CD48: variants seen among roughly 807,000 people sequenced by gnomAD.
CD48 encodes CD48 antigen.
A neutral mutation model predicts 22.0 loss-of-function variants in CD48; 20 were observed. The observed-to-expected ratio is 0.91, with a 90% CI of 0.64 to 1.32. The LOEUF is 1.32. CD48 is among the 40% of genes most tolerant of loss of function. The pLI is 0.00. For synonymous variants in CD48, 110 were observed against 110.1 expected, an observed-to-expected ratio of 1.00 and a Z score of 0.01; for missense variants, 307 against 286.5, an observed-to-expected ratio of 1.07 and a Z score of -0.52.
At chr1:160,703,935 G>A (rs1162180888) in intron 1 of CD48, among the ~76,000 whole-genome samples, 1 of 152,130 alleles carries the variant, frequency 6.6e-6, no homozygotes, top group East Asian at 1.9e-4. Flanking sequence ...AGGGGATTGG[G>A]TGTTGAGAGA....
intron 1 of CD48, chr1:160,691,760 GC>G: frequency 2.8e-6 from 1 of 363,422 alleles, no homozygotes; most frequent in Non-Finnish European, 4.9e-6. Flanking sequence ...TTCATCTGGT[GC>G]CCAACGTGGA....
chr1:160,702,156 G>A (rs1303799493), intron 1 of CD48, among the ~76,000 whole-genome samples: 2 of 152,128 alleles, frequency 1.3e-5, no homozygotes, highest in Admixed American at 6.6e-5. Context: ...TTTAGCAGAG[G>A]TGGATGCTCT....
rs149082586 is a variant in CD48 at position 160,680,707 on chromosome 1, C to T, written c.652+495G>A. 119 of 1,020,006 alleles carry T rather than the reference C, an allele frequency of 1.2e-4. No individual in the cohort carries two copies. In the South Asian group the frequency reaches 1.6e-3, roughly 13 times the overall value. The allele number at this position is 1,020,006 out of a possible 1,614,324, so 63.2% of individuals were successfully genotyped here. On this transcript the variant is annotated intron_variant, in intron 3 of 3. Coordinates refer to ENST00000368046, the MANE Select transcript of CD48 (RefSeq NM_001778.4). ...GCTTCGCCTGAGGCTCAGGCTCTCA[C>T]GCCTCCTCGACGGCCTCTCTCAGGC... is the stretch of plus-strand genomic sequence containing the variant.
chr1:160,684,406 T>C (rs1318075916), intron 2 of CD48: 2 of 214,762 alleles, frequency 9.3e-6, no homozygotes, highest in Non-Finnish European at 1.9e-5. Flanking sequence ...GCCTGAGTCC[T>C]TATTCCATAT....
chr1:160,700,995 T>C (rs1662611848), intron 1 of CD48, among the ~76,000 whole-genome samples: 1 of 151,852 alleles, frequency 6.6e-6, no homozygotes, highest in Non-Finnish European at 1.5e-5. Context: ...AATATAGGCC[T>C]CGGGAAATTG....
chr1:160,690,061 A>G (rs183269154), intron 1 of CD48, among the ~76,000 whole-genome samples: 4 of 152,280 alleles, frequency 2.6e-5, no homozygotes, highest in Non-Finnish European at 4.4e-5. Flanking sequence ...TGTTTGGACA[A>G]TTGGGTTTTT....
intron 1 of CD48, among the ~76,000 whole-genome samples, chr1:160,693,432 T>C (rs187940857): frequency 6.6e-6 from 1 of 152,222 alleles, no homozygotes; most frequent in African/African-American, 2.4e-5. Context: ...CGTGATGGAA[T>C]TGGAGGAGCT....
chr1:160,687,990 A>G (rs1186600332), intron 1 of CD48, among the ~76,000 whole-genome samples: 5 of 152,376 alleles, frequency 3.3e-5, no homozygotes. Flanking sequence ...CATTATAGGA[A>G]TACGGGGTGA....
intron 1 of CD48, among the ~76,000 whole-genome samples, chr1:160,690,513 C>T (rs1343399410): frequency 2.0e-5 from 3 of 152,112 alleles, no homozygotes; most frequent in African/African-American, 4.8e-5. Context: ...ATCTTTTAAG[C>T]CAGTGGCATT....
intron 1 of CD48, among the ~76,000 whole-genome samples, chr1:160,705,481 G>T (rs974343889): frequency 6.6e-6 from 1 of 152,144 alleles, no homozygotes; most frequent in Non-Finnish European, 1.5e-5. Context: ...CAGAGGCTGT[G>T]GTCTAATTAA....
intron 2 of CD48, among the ~76,000 whole-genome samples, chr1:160,682,063 G>A (rs1267032923): frequency 6.6e-6 from 1 of 152,140 alleles, no homozygotes; most frequent in Admixed American, 6.5e-5. Flanking sequence ...TGCTAACTTT[G>A]GTATCTCCAT....
At chr1:160,707,750 C>G (rs547901375) in intron 1 of CD48, among the ~76,000 whole-genome samples, 54 of 152,270 alleles carry the variant, frequency 3.5e-4, no homozygotes, top group African/African-American at 1.3e-3. Context: ...GTAAGAGCTA[C>G]TCTGAGACCC....
chr1:160,700,082 T>A (rs921418668), intron 1 of CD48, among the ~76,000 whole-genome samples: 2 of 152,160 alleles, frequency 1.3e-5, no homozygotes, highest in Admixed American at 1.3e-4. Flanking sequence ...AACTCCGCCT[T>A]TTGAGCAGAA....
intron 1 of CD48, among the ~76,000 whole-genome samples, chr1:160,698,462 G>T (rs1168832433): frequency 6.6e-6 from 1 of 152,160 alleles, no homozygotes; most frequent in African/African-American, 2.4e-5. Context: ...GGCAGGAGTT[G>T]CATTGCACTC....
chr1:160,706,906 C>G (rs752583342), intron 1 of CD48, among the ~76,000 whole-genome samples: 2 of 152,132 alleles, frequency 1.3e-5, no homozygotes, highest in Admixed American at 6.6e-5. Context: ...TAAAACAAGA[C>G]ACATGGTTGG....
At chr1:160,704,856 T>C (rs372022776) in intron 1 of CD48, among the ~76,000 whole-genome samples, 8 of 152,166 alleles carry the variant, frequency 5.3e-5, no homozygotes, top group African/African-American at 1.9e-4. Flanking sequence ...CCTGGTTTGG[T>C]TAAGATAAGG....
chr1:160,686,867 G>GGACCC, intron 1 of CD48, among the ~76,000 whole-genome samples: 2 of 146,966 alleles, frequency 1.4e-5, no homozygotes, highest in South Asian at 4.6e-4. Context: ...CCACAGGACC[G>GGACCC]AGGTGAAATT....
chr1:160,695,822 C>T (rs941043500), intron 1 of CD48, among the ~76,000 whole-genome samples: 2 of 152,146 alleles, frequency 1.3e-5, no homozygotes, highest in African/African-American at 2.4e-5. Context: ...CCTCACAGTA[C>T]AGTTAAGACT....
chr1:160,680,512 G>A (rs1310294176), intron 3 of CD48: 2 of 923,702 alleles, frequency 2.2e-6, no homozygotes, highest in African/African-American at 3.6e-5. Flanking sequence ...AGTCCTAGAA[G>A]TGACCCCAGG....
Sources: allele counts gnomAD v4.1 joint callset (sites outside exome capture counted in the v4.1 genomes callset), GRCh38; gene constraint gnomAD v4.1.1; transcripts MANE v1.5; gene names NCBI Gene and HGNC (gene_info 2026-07-23, HGNC 2026-07-21).